The following BAZ2B variants were observed in gnomAD, a reference collection of about 807,000 sequenced individuals.
BAZ2B encodes bromodomain adjacent to zinc finger domain 2B.
Under a neutral mutation model 246.0 loss-of-function variants are expected in BAZ2B, and 91 were observed. The observed-to-expected ratio is 0.37, with a 90% CI of 0.31 to 0.44. The LOEUF is 0.44. Among genes scored for constraint, BAZ2B ranks in the 20% least tolerant of loss-of-function variants. The probability of loss-of-function intolerance (pLI) is 1.00; values close to 1 mark genes in which losing one functional copy is unlikely to be tolerated. For missense variants in BAZ2B, 2,332 were observed against 2,533.7 expected (o/e 0.92, Z 1.71); for synonymous variants, 855 against 860.0 (o/e 0.99, Z 0.10).
chr2:159,690,741 C>T, the BAZ2B span, among the ~76,000 whole-genome samples: 26 of 152,126 alleles, frequency 1.7e-4, no homozygotes, highest in Non-Finnish European at 2.8e-4. Flanking sequence ...AGAGGCAATA[C>T]AAAACCAAGT....
the BAZ2B span, among the ~76,000 whole-genome samples, chr2:159,637,922 C>T: frequency 0.065 from 9,885 of 152,226 alleles, 416 homozygotes; most frequent in Middle Eastern, 0.14. Flanking sequence ...CTGGATATGC[C>T]GGGGACCTGG....
At position 159,466,198 on chromosome 2, in the gene BAZ2B, A is replaced by T. The variant is rs534249946; in HGVS notation, c.145+12377T>A. On this transcript the variant is annotated intron_variant, in intron 3 of 36. Coordinates refer to ENST00000392783, the MANE Select transcript of BAZ2B (RefSeq NM_013450.4). The stretch of plus-strand genomic sequence containing the variant: ...ATACATTGCCTCTTCAGTAATCTCA[A>T]CTGATCTTTTAAATTCCTTATCCTG... 7.2e-5 allele frequency among the ~76,000 whole-genome samples: 11 copies of T among 152,272 alleles called. No homozygotes were observed. In the South Asian group the frequency reaches 2.3e-3, roughly 32 times the overall value.
intron 13 of BAZ2B, among the ~76,000 whole-genome samples, chr2:159,412,972 T>C (rs2067062943): frequency 6.6e-6 from 1 of 152,196 alleles, no homozygotes; most frequent in Admixed American, 6.5e-5. Flanking sequence ...TTATAAATAT[T>C]ACAGCTAACA....
the BAZ2B span, among the ~76,000 whole-genome samples, chr2:159,637,612 C>T: frequency 6.6e-6 from 1 of 152,178 alleles, no homozygotes; most frequent in Non-Finnish European, 1.5e-5. Context: ...GGCTGGAGTG[C>T]AGTGGCACGA....
intron 1 of BAZ2B, among the ~76,000 whole-genome samples, chr2:159,614,404 A>C (rs1325619060): frequency 6.6e-6 from 1 of 152,196 alleles, no homozygotes; most frequent in African/African-American, 2.4e-5. Flanking sequence ...TAAAGTATCC[A>C]TTATCTTAAG....
At chr2:159,487,839 T>C (rs2080010287) in intron 2 of BAZ2B, among the ~76,000 whole-genome samples, 1 of 151,328 alleles carries the variant, frequency 6.6e-6, no homozygotes, top group South Asian at 2.1e-4. Context: ...TCTGGGATTA[T>C]GTTAAATGAC....
intron 1 of BAZ2B, among the ~76,000 whole-genome samples, chr2:159,561,144 T>G (rs962329133): frequency 6.6e-6 from 1 of 152,180 alleles, no homozygotes; most frequent in Non-Finnish European, 1.5e-5. Context: ...AGTGTGATAT[T>G]GCAGGAAAGT....
chr2:159,366,975 T>G (rs1383958287), intron 27 of BAZ2B, among the ~76,000 whole-genome samples: 11 of 151,450 alleles, frequency 7.3e-5, no homozygotes, highest in Non-Finnish European at 1.5e-4. Context: ...GGGGGCTCTC[T>G]TCCTTCTCTT....
chr2:159,379,421 C>T (rs1254058582), intron 25 of BAZ2B, among the ~76,000 whole-genome samples: 2 of 152,022 alleles, frequency 1.3e-5, no homozygotes, highest in Non-Finnish European at 2.9e-5. Flanking sequence ...GTTGTACAAC[C>T]TCATGCCCAT....
intron 36 of BAZ2B, 60 bp from the exon 37 acceptor site, chr2:159,320,478 A>G: frequency 7.1e-7 from 1 of 1,400,538 alleles, no homozygotes; most frequent in South Asian, 1.4e-5. Flanking sequence ...TTGTAAACAA[A>G]TGAAGAGTTA....
chr2:159,349,833 T>G lies in BAZ2B; in HGVS notation c.4738A>C (p.Thr1580Pro). Residue 1580 changes from threonine to proline, a missense_variant, in exon 28 of 37, where the codon ACT (threonine) becomes CCT (proline). Physicochemically the swap from Thr to Pro is conservative, Grantham distance 38. Transcript: ENST00000392783. ...DTSLTHADMS[T>P]ASLVTPQSQP... Reference sequence around the variant, plus strand: ...GACTGAGGAGTCACCAAAGAAGCAGTTGACATATCGGCATGAGTAAGTGAA... The same window carrying G: ...GACTGAGGAGTCACCAAAGAAGCAGGTGACATATCGGCATGAGTAAGTGAA... 1.2e-6 allele frequency: 2 copies of G among 1,614,164 alleles called. No homozygotes were observed. The highest frequency in any genetic ancestry group is 1.7e-6 in the Non-Finnish European group (2 of 1,180,010).
the BAZ2B span, among the ~76,000 whole-genome samples, chr2:159,654,112 G>C: frequency 2.6e-5 from 4 of 152,114 alleles, no homozygotes; most frequent in Non-Finnish European, 5.9e-5. Context: ...AGAGCAGCTT[G>C]GACTAACATA....
At chr2:159,580,690 A>T (rs1686542474) in intron 1 of BAZ2B, among the ~76,000 whole-genome samples, 1 of 152,198 alleles carries the variant, frequency 6.6e-6, no homozygotes, top group Non-Finnish European at 1.5e-5. Context: ...AGTAACCAAA[A>T]CAGCATGGCT....
At chr2:159,415,854 T>G (rs2067619522) in intron 13 of BAZ2B, among the ~76,000 whole-genome samples, 1 of 152,250 alleles carries the variant, frequency 6.6e-6, no homozygotes, top group South Asian at 2.1e-4. Flanking sequence ...TTCTAAGTAT[T>G]GTGCTTTGTT....
chr2:159,364,791 G>T (rs959066950), intron 27 of BAZ2B, among the ~76,000 whole-genome samples: 1 of 152,182 alleles, frequency 6.6e-6, no homozygotes, highest in Non-Finnish European at 1.5e-5. Context: ...TACTTACAAG[G>T]TCGGCAGACG....
intron 13 of BAZ2B, among the ~76,000 whole-genome samples, chr2:159,423,928 A>T (rs2069267660): frequency 6.6e-6 from 1 of 152,184 alleles, no homozygotes; most frequent in Non-Finnish European, 1.5e-5. Context: ...ACTGTGCTCC[A>T]GGATCATTTG....
chr2:159,346,074 T>C (rs2149092246), intron 31 of BAZ2B, among the ~76,000 whole-genome samples: 1 of 152,348 alleles, frequency 6.6e-6, no homozygotes, highest in East Asian at 1.9e-4. Context: ...CTGTTGAAGA[T>C]GCCAGAAAGA....
chr2:159,421,788 G>A (rs938954280), intron 13 of BAZ2B, among the ~76,000 whole-genome samples: 8 of 152,030 alleles, frequency 5.3e-5, no homozygotes, highest in African/African-American at 1.9e-4. Flanking sequence ...TAGGAAGAGA[G>A]GAAATCAAAC....
the BAZ2B span, among the ~76,000 whole-genome samples, chr2:159,632,084 A>G: frequency 1.3e-5 from 2 of 152,238 alleles, no homozygotes; most frequent in African/African-American, 2.4e-5. Flanking sequence ...TCAGAAATTT[A>G]GCAATTCATT....
Sources: gnomAD v4.1 joint callset for allele counts (sites outside exome capture counted in the v4.1 genomes callset) on GRCh38, gnomAD v4.1.1 for gene constraint, MANE v1.5 for transcripts, NCBI Gene and HGNC (gene_info 2026-07-23, HGNC 2026-07-21) for gene names.